The following WDFY2 variants were observed in gnomAD, a reference collection of about 807,000 sequenced individuals.
WDFY2 encodes WD repeat and FYVE domain-containing protein 2.
A neutral mutation model predicts 56.4 loss-of-function variants in WDFY2; 36 were observed. The observed-to-expected ratio is 0.64, with a 90% CI of 0.49 to 0.84. WDFY2 has a LOEUF of 0.84. Among genes scored for constraint, WDFY2 ranks in the 40% least tolerant of loss-of-function variants. The probability of loss-of-function intolerance (pLI) is 0.00; values close to 1 mark genes in which losing one functional copy is unlikely to be tolerated. For missense variants in WDFY2, 444 were observed against 512.2 expected (o/e 0.87, Z 1.29); for synonymous variants, 176 against 183.7 (o/e 0.96, Z 0.34).
chr13:51,612,948 T>A (rs1271530494), intron 1 of WDFY2, among the ~76,000 whole-genome samples: 2 of 152,120 alleles, frequency 1.3e-5, no homozygotes, highest in African/African-American at 2.4e-5. Flanking sequence ...TTTAAAAATA[T>A]CTGATGCCAT....
At chr13:51,755,748 A>G (rs1953360906) in intron 9 of WDFY2, among the ~76,000 whole-genome samples, 1 of 152,226 alleles carries the variant, frequency 6.6e-6, no homozygotes, top group Non-Finnish European at 1.5e-5. Flanking sequence ...CTTAGTTCGT[A>G]TGGAAACCAG....
chr13:51,695,439 G>A (rs985742711), intron 3 of WDFY2, among the ~76,000 whole-genome samples: 3 of 152,176 alleles, frequency 2.0e-5, no homozygotes, highest in Non-Finnish European at 4.4e-5. Context: ...GAGTTTGCTA[G>A]AGGTCCACTC....
chr13:51,596,832 G>A (rs1196585765), intron 1 of WDFY2, among the ~76,000 whole-genome samples: 1 of 152,230 alleles, frequency 6.6e-6, no homozygotes, highest in Admixed American at 6.5e-5. Context: ...AAAAAAGGCA[G>A]AAGTTGCAGC....
At chr13:51,696,129 C>T (rs1295340369) in intron 3 of WDFY2, among the ~76,000 whole-genome samples, 3 of 152,196 alleles carry the variant, frequency 2.0e-5, no homozygotes, top group East Asian at 1.9e-4. Flanking sequence ...TTGCGCTTCC[C>T]GAGTGAGGCA....
intron 1 of WDFY2, among the ~76,000 whole-genome samples, chr13:51,621,994 AGATGAGTG>A: frequency 6.6e-6 from 1 of 152,218 alleles, no homozygotes; most frequent in Admixed American, 6.5e-5. Context: ...TGATGTAGAA[AGATGAGTG>A]TGTGTGTGAG....
At chr13:51,616,255 A>G (rs1954611662) in intron 1 of WDFY2, among the ~76,000 whole-genome samples, 1 of 152,158 alleles carries the variant, frequency 6.6e-6, no homozygotes, top group African/African-American at 2.4e-5. Flanking sequence ...TAAATAAGAT[A>G]CTGTATAAAT....
At chr13:51,664,625 T>C (rs561788850) in intron 2 of WDFY2, among the ~76,000 whole-genome samples, 23 of 152,330 alleles carry the variant, frequency 1.5e-4, no homozygotes, top group Non-Finnish European at 2.4e-4. Flanking sequence ...CTCTCTCTTA[T>C]TGGATATGCC....
chr13:51,719,413 A>G (rs1952439091), intron 5 of WDFY2, 65 bp downstream of exon 5: 1 of 1,499,146 alleles, frequency 6.7e-7, no homozygotes, highest in African/African-American at 1.4e-5. Flanking sequence ...GATTCATGAA[A>G]TTTTGGGGTA....
chr13:51,726,749 T>G (rs1223346607), intron 5 of WDFY2, among the ~76,000 whole-genome samples: 1 of 152,250 alleles, frequency 6.6e-6, no homozygotes, highest in African/African-American at 2.4e-5. Flanking sequence ...CTGTGTTAAC[T>G]CTTTTTTCAC....
intron 4 of WDFY2, among the ~76,000 whole-genome samples, chr13:51,710,557 A>G (rs1322718364): frequency 6.6e-6 from 1 of 152,194 alleles, no homozygotes; most frequent in Non-Finnish European, 1.5e-5. Context: ...TCAGCCCAAA[A>G]TCTCCTTAAG....
chr13:51,635,263 A>G (rs1955024116), intron 1 of WDFY2, among the ~76,000 whole-genome samples: 1 of 152,154 alleles, frequency 6.6e-6, no homozygotes, highest in Non-Finnish European at 1.5e-5. Context: ...TAAACCTTTT[A>G]AATGGCAAGA....
In WDFY2 at chr13:51,755,430, TG is replaced by T; in HGVS notation, c.907del (p.Asp303ThrfsTer7). 1 of 1,614,188 alleles carries T rather than the reference TG, an allele frequency of 6.2e-7. No homozygotes were observed. The highest frequency in any genetic ancestry group is 8.5e-7 in the Non-Finnish European group (1 of 1,180,022). On this transcript the variant is annotated frameshift_variant, in exon 9 of 12. Coordinates refer to ENST00000298125, the MANE Select transcript of WDFY2 (RefSeq NM_052950.4). LOFTEE classifies it high-confidence loss of function. ...TTTCTTCTGGAACTTCAAGCAAATG[TG>T]GGACAGTAAGAAAATTGGTCTAAGA... ...QPFFWNFKQM[W>X]DSKKIGLRQH...
rs556151035 is a variant in WDFY2, at chr13:51,758,034, A to C, written c.1065-158A>C. 2.5e-3 allele frequency among the ~76,000 whole-genome samples: 383 copies of C among 151,914 alleles called. 3 individuals carry two copies. The highest frequency in any genetic ancestry group is 1.0e-3 in the Non-Finnish European group (70 of 67,936). ...TTTCTTGTATTTTTTTTTTATCATA[A>C]CTGGTCACCAGGGAATAAAGGCAGA... On this transcript the variant is annotated intron_variant, in intron 10 of 11. Transcript: ENST00000298125.
intron 1 of WDFY2, among the ~76,000 whole-genome samples, chr13:51,621,930 C>T (rs1954735475): frequency 6.6e-6 from 1 of 152,180 alleles, no homozygotes; most frequent in African/African-American, 2.4e-5. Flanking sequence ...TTAAAAATCA[C>T]AGCTCCATCC....
At chr13:51,708,541 A>C (rs778070842) in intron 4 of WDFY2, among the ~76,000 whole-genome samples, 1 of 151,938 alleles carries the variant, frequency 6.6e-6, no homozygotes, top group Non-Finnish European at 1.5e-5. Context: ...TAGGCAAACC[A>C]AGGAGATAAA....
At chr13:51,751,088 T>G (rs1354573438) in intron 7 of WDFY2, among the ~76,000 whole-genome samples, 4 of 152,028 alleles carry the variant, frequency 2.6e-5, no homozygotes, top group African/African-American at 9.7e-5. Context: ...AACTGACAGA[T>G]TACCTCTTCC....
At chr13:51,724,586 G>A (rs182402401) in intron 5 of WDFY2, among the ~76,000 whole-genome samples, 1 of 152,250 alleles carries the variant, frequency 6.6e-6, no homozygotes, top group East Asian at 1.9e-4. Context: ...TAGGTGCACA[G>A]CAAAATTGAG....
At chr13:51,607,685 A>G (rs906337125) in intron 1 of WDFY2, among the ~76,000 whole-genome samples, 1 of 152,210 alleles carries the variant, frequency 6.6e-6, no homozygotes, top group Non-Finnish European at 1.5e-5. Context: ...TAGAAGTATC[A>G]GAGTGAAAGT....
intron 1 of WDFY2, among the ~76,000 whole-genome samples, chr13:51,603,766 A>G (rs192790383): frequency 6.6e-6 from 1 of 152,352 alleles, no homozygotes; most frequent in East Asian, 1.9e-4. Flanking sequence ...CCTTCTTCAT[A>G]GGATTTTGGT....
Sources: gnomAD v4.1 joint callset for allele counts (sites outside exome capture counted in the v4.1 genomes callset) on GRCh38, gnomAD v4.1.1 for gene constraint, MANE v1.5 for transcripts, NCBI Gene and HGNC (gene_info 2026-07-23, HGNC 2026-07-21) for gene names.